NELL1: variants seen among roughly 807,000 people sequenced by gnomAD.
NELL1 encodes the protein neural EGFL like 1.
In NELL1, 76 loss-of-function variants were observed where a neutral mutation model predicts 107.4. That is an observed-to-expected ratio of 0.71 (90% CI 0.59 to 0.86). NELL1 has a LOEUF of 0.86. Ranked by LOEUF, NELL1 falls within the 40% of genes least tolerant of loss-of-function variation. The probability of loss-of-function intolerance (pLI) is 0.00; values close to 1 mark genes in which losing one functional copy is unlikely to be tolerated. For synonymous variants in NELL1, 353 were observed against 341.2 expected, an observed-to-expected ratio of 1.03 and a Z score of -0.38; for missense variants, 1,024 against 1,005.5, an observed-to-expected ratio of 1.02 and a Z score of -0.25.
At chr11:20,710,451 T>C (rs1052778876) in intron 2 of NELL1, among the ~76,000 whole-genome samples, 1 of 152,186 alleles carries the variant, frequency 6.6e-6, no homozygotes, top group Non-Finnish European at 1.5e-5. Flanking sequence ...AGTTAGCTAG[T>C]ATTTTGTTGA....
chr11:21,037,830 T>G (rs765199605), intron 12 of NELL1, among the ~76,000 whole-genome samples: 2 of 152,184 alleles, frequency 1.3e-5, no homozygotes, highest in Non-Finnish European at 2.9e-5. Context: ...CCAACATTAC[T>G]GTTTTGTAAT....
At position 20,771,501 on chromosome 11, in the gene NELL1, A is replaced by C. The variant is rs534353323; in HGVS notation, c.185-12179A>C. 2.1e-3 allele frequency among the ~76,000 whole-genome samples: 322 copies of C among 152,322 alleles called. 1 individual carries two copies. The highest frequency in any genetic ancestry group is 3.9e-3 in the Non-Finnish European group (264 of 68,032). On this transcript the variant is annotated intron_variant, in intron 2 of 19. Coordinates refer to ENST00000357134, the MANE Select transcript of NELL1 (RefSeq NM_006157.5). ...TTCAGGAGTATTTTCCTGTGGTTTG[A>C]CATATCGCTTTGCAGGCTATGGACT...
intron 15 of NELL1, among the ~76,000 whole-genome samples, chr11:21,531,578 T>A (rs1855991107): frequency 6.6e-6 from 1 of 152,184 alleles, no homozygotes; most frequent in Non-Finnish European, 1.5e-5. Flanking sequence ...CTGTGCTGGA[T>A]TAAACTGAGA....
At position 21,183,096 on chromosome 11, in the gene NELL1, G is replaced by A. The variant is rs145630437; in HGVS notation, c.1427-46236G>A. On this transcript the variant is annotated intron_variant, in intron 13 of 19. Transcript: ENST00000357134. ...TCCAGTCCCAGCACCACAAAGCTGG[G>A]ATTGACCTTAAACCAAATTTCCAAA... is the stretch of plus-strand genomic sequence containing the variant. Among the ~76,000 whole-genome samples the A allele has an allele frequency of 1.5e-3, 222 of 152,002 alleles. 1 individual carries two copies. The Middle Eastern group carries it at 0.024, about 16-fold the overall frequency.
intron 17 of NELL1, among the ~76,000 whole-genome samples, chr11:21,566,149 C>T (rs1277036685): frequency 1.3e-5 from 2 of 151,910 alleles, no homozygotes; most frequent in African/African-American, 4.8e-5. Context: ...TCCAATAACA[C>T]TTCATTTACA....
intron 3 of NELL1, among the ~76,000 whole-genome samples, chr11:20,806,327 A>AT (rs1857384626): frequency 1.3e-5 from 2 of 150,746 alleles, no homozygotes; most frequent in African/African-American, 2.4e-5. Flanking sequence ...AGAATAAAAG[A>AT]TTTTTTCCTT....
At chr11:21,060,812 C>T (rs1473656775) in intron 12 of NELL1, among the ~76,000 whole-genome samples, 2 of 152,202 alleles carry the variant, frequency 1.3e-5, no homozygotes, top group Non-Finnish European at 2.9e-5. Context: ...AGTGATTCTC[C>T]TGCCTCAGCC....
chr11:20,950,904 G>A (rs183631757), intron 11 of NELL1, among the ~76,000 whole-genome samples: 6 of 152,298 alleles, frequency 3.9e-5, no homozygotes, highest in East Asian at 3.9e-4. Context: ...CACCTGCACC[G>A]AAGGCCTTTC....
chr11:20,810,153 GA>G (rs1857469872), intron 3 of NELL1, among the ~76,000 whole-genome samples: 1 of 151,618 alleles, frequency 6.6e-6, no homozygotes, highest in South Asian at 2.1e-4. Flanking sequence ...ATGCAAATTT[GA>G]GAAATGTCTA....
At chr11:21,418,017 A>C (rs1041207064) in intron 15 of NELL1, among the ~76,000 whole-genome samples, 1 of 152,100 alleles carries the variant, frequency 6.6e-6, no homozygotes, top group Non-Finnish European at 1.5e-5. Flanking sequence ...CACTGGCTAA[A>C]TGAATCCTCA....
intron 12 of NELL1, among the ~76,000 whole-genome samples, chr11:21,097,198 G>T (rs944279365): frequency 6.6e-6 from 1 of 152,064 alleles, no homozygotes; most frequent in Non-Finnish European, 1.5e-5. Context: ...CGTAGTCACC[G>T]ATGCTCTGCT....
At chr11:21,031,547 T>G (rs1344234044) in intron 12 of NELL1, among the ~76,000 whole-genome samples, 2 of 152,208 alleles carry the variant, frequency 1.3e-5, no homozygotes, top group Non-Finnish European at 2.9e-5. Flanking sequence ...CTTCCTCATT[T>G]GCAAAAGGAA....
At chr11:21,319,584 T>C (rs1590833181) in intron 14 of NELL1, among the ~76,000 whole-genome samples, 1 of 150,866 alleles carries the variant, frequency 6.6e-6, no homozygotes, top group Admixed American at 6.6e-5. Flanking sequence ...TCAAGTGATC[T>C]GCCCGCCTCT....
At chr11:20,775,269 C>G (rs997815007) in intron 2 of NELL1, among the ~76,000 whole-genome samples, 4 of 152,172 alleles carry the variant, frequency 2.6e-5, no homozygotes, top group African/African-American at 9.7e-5. Context: ...TTACCATAGA[C>G]TTGGTATGAT....
intron 3 of NELL1, among the ~76,000 whole-genome samples, chr11:20,799,214 A>G (rs1857233582): frequency 6.6e-6 from 1 of 152,246 alleles, no homozygotes; most frequent in African/African-American, 2.4e-5. Flanking sequence ...AGACAGACCA[A>G]GAGCTAGTGC....
intron 15 of NELL1, among the ~76,000 whole-genome samples, chr11:21,481,761 C>G (rs1564915798): frequency 6.6e-6 from 1 of 152,116 alleles, no homozygotes; most frequent in Non-Finnish European, 1.5e-5. Flanking sequence ...GGGCTAGCCC[C>G]ACAATGCCCA....
At chr11:21,228,363 T>C (rs767913523) in intron 13 of NELL1, among the ~76,000 whole-genome samples, 1 of 152,164 alleles carries the variant, frequency 6.6e-6, no homozygotes, top group Non-Finnish European at 1.5e-5. Flanking sequence ...CACAGCTATC[T>C]GAATATATAT....
At chr11:20,811,269 C>A (rs180990868) in intron 3 of NELL1, among the ~76,000 whole-genome samples, 19 of 152,180 alleles carry the variant, frequency 1.2e-4, no homozygotes, top group Non-Finnish European at 1.5e-4. Context: ...TGTGTTTACT[C>A]AACACCTTTG....
chr11:21,046,208 T>G (rs983823868), intron 12 of NELL1, among the ~76,000 whole-genome samples: 20 of 152,308 alleles, frequency 1.3e-4, no homozygotes, highest in African/African-American at 4.6e-4. Context: ...TTTGAGATAA[T>G]AAGAAGAATA....
Sources: allele counts gnomAD v4.1 joint callset (sites outside exome capture counted in the v4.1 genomes callset), GRCh38; gene constraint gnomAD v4.1.1; transcripts MANE v1.5; gene names NCBI Gene and HGNC (gene_info 2026-07-23, HGNC 2026-07-21).